The following AGBL4 variants were observed in gnomAD, a reference collection of about 807,000 sequenced individuals.
AGBL4 encodes cytosolic carboxypeptidase 6.
In AGBL4, 58 loss-of-function variants were observed where a neutral mutation model predicts 66.4. The ratio of observed to expected loss-of-function variants is 0.87; its 90% CI spans 0.71 to 1.09. The LOEUF (loss-of-function observed/expected upper bound fraction) is 1.09. AGBL4 is among the 50% of genes least tolerant of loss of function. AGBL4 has a pLI of 0.00. For synonymous variants in AGBL4, 234 were observed against 222.9 expected (o/e 1.05, Z -0.44); for missense variants, 579 against 631.0 (o/e 0.92, Z 0.88).
At chr1:49,166,651 C>T (rs534161997) in intron 4 of AGBL4, among the ~76,000 whole-genome samples, 2 of 152,104 alleles carry the variant, frequency 1.3e-5, no homozygotes, top group Non-Finnish European at 2.9e-5. Context: ...CAGTCTATAG[C>T]CACTAGTCCT....
chr1:49,262,459 G>GA (rs886395478), intron 3 of AGBL4, among the ~76,000 whole-genome samples: 2 of 151,870 alleles, frequency 1.3e-5, no homozygotes, highest in East Asian at 1.9e-4. Flanking sequence ...AAATTTACAA[G>GA]AAAAAAACAA....
intron 2 of AGBL4, among the ~76,000 whole-genome samples, chr1:49,733,654 G>A (rs938402561): frequency 2.0e-5 from 3 of 152,160 alleles, no homozygotes; most frequent in Non-Finnish European, 2.9e-5. Context: ...GTGATGGGAG[G>A]TGGGGCCTTC....
intron 3 of AGBL4, among the ~76,000 whole-genome samples, chr1:49,337,657 C>T (rs1160477026): frequency 6.6e-6 from 1 of 152,168 alleles, no homozygotes; most frequent in Non-Finnish European, 1.5e-5. Context: ...AAAAGTGAAT[C>T]CCCCAGGGCA....
At chr1:48,832,758 T>C (rs1646583951) in intron 6 of AGBL4, among the ~76,000 whole-genome samples, 1 of 152,152 alleles carries the variant, frequency 6.6e-6, no homozygotes, top group South Asian at 2.1e-4. Flanking sequence ...GTGAGCCTCA[T>C]TCAATCTGTT....
intron 3 of AGBL4, among the ~76,000 whole-genome samples, chr1:49,289,907 A>G (rs1644501887): frequency 6.6e-6 from 1 of 152,142 alleles, no homozygotes; most frequent in South Asian, 2.1e-4. Context: ...AACAATACCA[A>G]AAGATTTTCT....
intron 5 of AGBL4, among the ~76,000 whole-genome samples, chr1:49,012,137 G>T (rs1662483370): frequency 6.6e-6 from 1 of 152,074 alleles, no homozygotes; most frequent in Admixed American, 6.6e-5. Flanking sequence ...GCAGATTACA[G>T]GGAAGCCTGT....
intron 5 of AGBL4, among the ~76,000 whole-genome samples, chr1:48,966,072 G>A (rs560912551): frequency 3.7e-4 from 57 of 152,176 alleles, no homozygotes; most frequent in African/African-American, 1.3e-3. Context: ...CCTGTAAAAT[G>A]AGCATAATAT....
chr1:49,693,179 GT>G (rs1646921785), intron 3 of AGBL4, among the ~76,000 whole-genome samples: 1 of 152,144 alleles, frequency 6.6e-6, no homozygotes, highest in African/African-American at 2.4e-5. Context: ...TGATAGGACA[GT>G]AAAATAGTAT....
chr1:49,352,806 AC>A (rs1643938154), intron 3 of AGBL4, among the ~76,000 whole-genome samples: 1 of 152,204 alleles, frequency 6.6e-6, no homozygotes, highest in Non-Finnish European at 1.5e-5. Flanking sequence ...TATCAATAGG[AC>A]CCATAATAAT....
chr1:49,926,533 C>T (rs1172151238), intron 1 of AGBL4, among the ~76,000 whole-genome samples: 1 of 152,146 alleles, frequency 6.6e-6, no homozygotes, highest in East Asian at 1.9e-4. Flanking sequence ...AACAGGACCT[C>T]ATCAAATGAA....
chr1:48,958,542 G>A (rs538937258), intron 5 of AGBL4, among the ~76,000 whole-genome samples: 20 of 152,218 alleles, frequency 1.3e-4, no homozygotes, highest in Non-Finnish European at 2.8e-4. Flanking sequence ...CAGTATGGAA[G>A]AAACCTGGCC....
intron 3 of AGBL4, among the ~76,000 whole-genome samples, chr1:49,261,640 C>G (rs950502661): frequency 5.3e-5 from 8 of 152,124 alleles, no homozygotes; most frequent in Admixed American, 5.2e-4. Context: ...CTGCAAACCA[C>G]TGCTTAATGA....
At chr1:49,677,479 A>G (rs186207811) in intron 3 of AGBL4, among the ~76,000 whole-genome samples, 171 of 152,222 alleles carry the variant, frequency 1.1e-3, no homozygotes, top group Non-Finnish European at 2.1e-3. Flanking sequence ...TTCTTTTTAT[A>G]TATTGATAAA....
chr1:49,697,171 C>T, intron 3 of AGBL4, 142 bp downstream of exon 3: 4 of 950,628 alleles, frequency 4.2e-6, no homozygotes, highest in Non-Finnish European at 5.9e-6. Context: ...TTCTCTGCAT[C>T]TCTTGAACCA....
chr1:49,194,277 TC>T (rs759377168), intron 4 of AGBL4, among the ~76,000 whole-genome samples: 38 of 20,306 alleles, frequency 1.9e-3, no homozygotes, highest in Non-Finnish European at 3.9e-3. Context: ...ACCTTTCTTG[TC>T]TTTTTTTTTA....
At chr1:48,530,918 G>A (rs796132332), downstream of AGBL4, among the ~76,000 whole-genome samples, 4 of 152,310 alleles carry the variant, frequency 2.6e-5, no homozygotes, top group African/African-American at 9.6e-5. Context: ...AGGCTGGTGC[G>A]CCCCCTGCTG....
chr1:48,675,700 A>G (rs927765549), intron 6 of AGBL4, among the ~76,000 whole-genome samples: 2 of 152,208 alleles, frequency 1.3e-5, no homozygotes, highest in Non-Finnish European at 2.9e-5. Flanking sequence ...ATGCTGTCTG[A>G]TATCACACAG....
chr1:49,069,124 T>G (rs1571368732), intron 4 of AGBL4, among the ~76,000 whole-genome samples: 1 of 152,142 alleles, frequency 6.6e-6, no homozygotes, highest in Non-Finnish European at 1.5e-5. Context: ...GTAGATTCTG[T>G]ATATTAGCCC....
At chr1:48,693,821 C>T (rs1646672247) in intron 6 of AGBL4, among the ~76,000 whole-genome samples, 1 of 152,076 alleles carries the variant, frequency 6.6e-6, no homozygotes, top group Non-Finnish European at 1.5e-5. Flanking sequence ...CAGGCTCTGC[C>T]CTGATGGAAA....
Sources: allele counts gnomAD v4.1 joint callset (sites outside exome capture counted in the v4.1 genomes callset), GRCh38; gene constraint gnomAD v4.1.1; transcripts MANE v1.5; gene names NCBI Gene and HGNC (gene_info 2026-07-23, HGNC 2026-07-21).